The following TMEM86A variants were observed in gnomAD, a reference collection of about 807,000 sequenced individuals.
The protein encoded by TMEM86A is lysoplasmalogenase TMEM86A.
In TMEM86A, 13 loss-of-function variants were observed where a neutral mutation model predicts 19.8. That is an observed-to-expected ratio of 0.66 (90% CI 0.43 to 1.04). TMEM86A has a LOEUF of 1.04. Ranked by LOEUF, TMEM86A falls within the 50% of genes least tolerant of loss-of-function variation. The pLI is 0.00. For missense variants in TMEM86A, 248 were observed against 306.8 expected, an observed-to-expected ratio of 0.81 and a Z score of 1.43; for synonymous variants, 128 against 129.9, an observed-to-expected ratio of 0.99 and a Z score of 0.10.
rs943430015 is a variant in TMEM86A, at chr11:18,703,540, C to G, written c.*1531C>G. ...CTGGACTCTGGGCTTAGTTGAACAG[C>G]TGGGAGCAATGGGATTAGATTGGCT... On this transcript the variant is annotated 3_prime_UTR_variant, in exon 3 of 3. Coordinates refer to ENST00000280734, the MANE Select transcript of TMEM86A (RefSeq NM_153347.3). 5.9e-5 allele frequency: 9 copies of G among 152,336 alleles called. No individual in the cohort carries two copies. Among genetic ancestry groups the G allele is most frequent in the African/African-American group, 2.2e-4 (9 of 41,558 alleles). 9.4% of individuals were successfully genotyped at this position (152,336 alleles called of 1,614,324 possible). A position where few individuals can be genotyped will look rare whatever the true frequency, so the allele number is the denominator to read the frequency against.
Position 18,702,359 on chromosome 11 carries a change from T to TC in TMEM86A, c.*352dup, listed in dbSNP as rs1187135893. On this transcript the variant is annotated 3_prime_UTR_variant, in exon 3 of 3. Coordinates refer to ENST00000280734, the MANE Select transcript of TMEM86A (RefSeq NM_153347.3). ...CCCCTACCAGGTGGAAGAGTCTGAC[T>TC]CCATGTGTTATGCCTAGGACCAATG... is the stretch of plus-strand genomic sequence containing the variant. The TC allele has an allele frequency of 2.9e-6, 1 of 347,710 alleles. No homozygotes were observed. The highest frequency in any genetic ancestry group is 5.5e-6 in the Non-Finnish European group (1 of 181,878). 21.5% of individuals were successfully genotyped at this position (347,710 alleles called of 1,614,324 possible).
Position 18,698,782 on chromosome 11 carries a change from G to T in TMEM86A, c.-105G>T. On this transcript the variant is annotated 5_prime_UTR_variant, in exon 1 of 3. Transcript: ENST00000280734. ...CGGCGCCGGGCGCTCGGGAGGTATT[G>T]TCCGTCCCTCCGGGCTTTGTAGAAT... 3 of 634,124 alleles carry T rather than the reference G, an allele frequency of 4.7e-6. No individual in the cohort carries two copies. Among genetic ancestry groups the T allele is most frequent in the Non-Finnish European group, 8.5e-6 (3 of 353,580 alleles). The allele number at this position is 634,124 out of a possible 1,614,324, so 39.3% of individuals were successfully genotyped here. A position where few individuals can be genotyped will look rare whatever the true frequency, so the allele number is the denominator to read the frequency against.
Position 18,701,190 on chromosome 11 carries a change from CG to C in TMEM86A, c.280del (p.Val94CysfsTer5). 2 of 1,613,412 alleles carry C rather than the reference CG, an allele frequency of 1.2e-6. No individual in the cohort carries two copies. The highest frequency in any genetic ancestry group is 8.5e-7 in the Non-Finnish European group (1 of 1,179,830). Reference sequence around the variant, plus strand: ...TCATCTGGCAGGACCAAGGATACTTCGTGCATGGTCAGTGGCCATAGTAGTT... The same window carrying C: ...TCATCTGGCAGGACCAAGGATACTTCTGCATGGTCAGTGGCCATAGTAGTT... ...FLIWQDQGYF[V>X]HGLLMFAVTH... On this transcript the variant is annotated frameshift_variant, in exon 2 of 3. Coordinates refer to ENST00000280734, the MANE Select transcript of TMEM86A (RefSeq NM_153347.3). LOFTEE classifies it high-confidence loss of function. This position sits in a 1 kb window ranked among gnomAD's most constrained non-coding sequence, Gnocchi z 5.3.
chr11:18,704,764 A>G lies in TMEM86A; in HGVS notation c.*2755A>G, dbSNP rs975639288. ...TGTCTCATTTAAGCCTCATAGTCCT[A>G]TAAAGAAGATGAGAAAACAGGCTCA... On this transcript the variant is annotated 3_prime_UTR_variant, in exon 3 of 3. Transcript: ENST00000280734. 8.0e-6 allele frequency: 4 copies of G among 500,456 alleles called. No individual in the cohort carries two copies. The highest frequency in any genetic ancestry group is 2.3e-5 in the South Asian group (1 of 43,190). 31.0% of individuals were successfully genotyped at this position (500,456 alleles called of 1,614,324 possible). A position where few individuals can be genotyped will look rare whatever the true frequency, so the allele number is the denominator to read the frequency against.
At chr11:18,700,186 C>T (rs148736027) in intron 1 of TMEM86A, 3 of 152,472 alleles carry the variant, frequency 2.0e-5, no homozygotes, top group Non-Finnish European at 2.9e-5. Flanking sequence ...ACCTCTCCCC[C>T]CTTTCCTGCC....
rs772552715 is a variant in TMEM86A at position 18,702,310 on chromosome 11, T to C, written c.*301T>C. ...CCCCTGGAAGGTGATGGTGCTCAGC[T>C]TCTTGACACCCCCCCACCCACTTCC... On this transcript the variant is annotated 3_prime_UTR_variant, in exon 3 of 3. Transcript: ENST00000280734. The C allele has an allele frequency of 9.3e-6, 4 of 428,274 alleles. No individual in the cohort carries two copies. The highest frequency in any genetic ancestry group is 7.0e-5 in the Admixed American group (2 of 28,516). 26.5% of individuals were successfully genotyped at this position (428,274 alleles called of 1,614,324 possible). A position where few individuals can be genotyped will look rare whatever the true frequency, so the allele number is the denominator to read the frequency against.
Position 18,699,758 on chromosome 11 carries a change from C to T in TMEM86A, c.21+851C>T, listed in dbSNP as rs1848132885. The T allele has an allele frequency of 6.6e-6, 1 of 152,472 alleles. No homozygotes were observed. Among genetic ancestry groups the T allele is most frequent in the South Asian group, 2.1e-4 (1 of 4,834 alleles). The allele number at this position is 152,472 out of a possible 1,614,324, so 9.4% of individuals were successfully genotyped here. A position where few individuals can be genotyped will look rare whatever the true frequency, so the allele number is the denominator to read the frequency against. On this transcript the variant is annotated intron_variant, in intron 1 of 2. Transcript: ENST00000280734. This position sits in a 1 kb window ranked among gnomAD's most constrained non-coding sequence, Gnocchi z 4.0. ...TGGCAGAACAAGGAAAGGCTTGGAC[C>T]CTGGAACCACCCATCCGCCTCTTCC... is the stretch of plus-strand genomic sequence containing the variant.
In TMEM86A at chr11:18,701,106, C is replaced by A. The variant is rs755709483; in HGVS notation, c.195C>A (p.His65Gln). Reference sequence around the variant, plus strand: ...ATGGCCTGGGATTCCTGCTGGCCCACCCCAGCGCCACCCGCATCTTTGTGG... The same window carrying A: ...ATGGCCTGGGATTCCTGCTGGCCCAACCCAGCGCCACCCGCATCTTTGTGG... ...LAHGLGFLLA[H>Q]PSATRIFVGL... The change falls in exon 2 of 3, where the codon CAC becomes CAA. Residue 65 changes from histidine to glutamine, a missense_variant. Transcript: ENST00000280734. The surrounding 1 kb of genome is among the most constrained non-coding windows in gnomAD (Gnocchi z 5.3). The A allele has an allele frequency of 4.3e-6, 7 of 1,613,956 alleles. No homozygotes were observed. In the Admixed American group the frequency reaches 8.3e-5, roughly 19 times the overall value.
intron 1 of TMEM86A, chr11:18,700,703 AG>A: frequency 1.7e-6 from 1 of 601,298 alleles, no homozygotes; most frequent in Non-Finnish European, 2.9e-6. Flanking sequence ...AGGCTGCAGA[AG>A]GGTGCCCCTC....
In TMEM86A at chr11:18,701,183, G is replaced by A. The variant is rs1297089412; in HGVS notation, c.272G>A (p.Gly91Glu). The change falls in exon 2 of 3, where the codon GGA becomes GAA. Residue 91 changes from glycine (G) to glutamate (E), a missense_variant. Transcript: ENST00000280734. The surrounding 1 kb of genome is among the most constrained non-coding windows in gnomAD (Gnocchi z 5.3). ...GCCTTCCTCATCTGGCAGGACCAAG[G>A]ATACTTCGTGCATGGTCAGTGGCCA... ...GDAFLIWQDQ[G>E]YFVHGLLMFA... is the part of the protein sequence containing the mutation. 1 of 1,613,692 alleles carries A rather than the reference G, an allele frequency of 6.2e-7. No individual in the cohort carries two copies.
Position 18,704,500 on chromosome 11 carries a change from T to G in TMEM86A, c.*2491T>G. 1.9e-6 allele frequency: 3 copies of G among 1,550,772 alleles called. No individual in the cohort carries two copies. The highest frequency in any genetic ancestry group is 1.7e-6 in the Non-Finnish European group (2 of 1,146,610). ...AGGTGCTTTGATTTCTTCTGCAGAC[T>G]CTCGGTGATGGATGCTACAACTGAC... is the stretch of plus-strand genomic sequence containing the variant. On this transcript the variant is annotated 3_prime_UTR_variant, in exon 3 of 3. Transcript: ENST00000280734.
At position 18,704,428 on chromosome 11, in the gene TMEM86A, A is replaced by T. The variant is rs1257332670; in HGVS notation, c.*2419A>T. On this transcript the variant is annotated 3_prime_UTR_variant, in exon 3 of 3. Transcript: ENST00000280734. ...TGCAGAGGACAGGCCAAGAAACTCC[A>T]CATCATAACAGCCTCCTGATGCCTG... 1 of 1,416,106 alleles carries T rather than the reference A, an allele frequency of 7.1e-7. No homozygotes were observed. Among genetic ancestry groups the T allele is most frequent in the East Asian group, 2.5e-5 (1 of 40,262 alleles). 87.7% of individuals were successfully genotyped at this position (1,416,106 alleles called of 1,614,324 possible). A position where few individuals can be genotyped will look rare whatever the true frequency, so the allele number is the denominator to read the frequency against.
In TMEM86A at chr11:18,699,879, A is replaced by G. The variant is rs953572716; in HGVS notation, c.21+972A>G. ...CCTGTGCTGGGCAGCTCACCTAGCC[A>G]GAGACACAATCGCTTTGGGCAGAGT... On this transcript the variant is annotated intron_variant, in intron 1 of 2. Coordinates refer to ENST00000280734, the MANE Select transcript of TMEM86A (RefSeq NM_153347.3). The surrounding 1 kb of genome is among the most constrained non-coding windows in gnomAD (Gnocchi z 4.0). The G allele has an allele frequency of 6.6e-6, 1 of 152,418 alleles. No homozygotes were observed. Among genetic ancestry groups the G allele is most frequent in the Non-Finnish European group, 1.5e-5 (1 of 68,212 alleles). 9.4% of individuals were successfully genotyped at this position (152,418 alleles called of 1,614,324 possible). A position where few individuals can be genotyped will look rare whatever the true frequency, so the allele number is the denominator to read the frequency against.
intron 1 of TMEM86A, 31 bp downstream of exon 1, chr11:18,698,938 G>T: frequency 3.3e-6 from 2 of 601,794 alleles, no homozygotes; most frequent in South Asian, 1.9e-5. Flanking sequence ...GCCAGTGCCC[G>T]GCGCGGCTGG....
rs770738074 is a variant in TMEM86A, at chr11:18,701,524, A to G, written c.287-49A>G. On this transcript the variant is annotated intron_variant, in intron 2 of 2. Transcript: ENST00000280734. This position sits in a 1 kb window ranked among gnomAD's most constrained non-coding sequence, Gnocchi z 5.3. ...CATCCCTACCCCCACCCTGTTACTC[A>G]TTCTTCATCAAGCTTGCCCTCAGCT... 24 of 1,514,442 alleles carry G rather than the reference A, an allele frequency of 1.6e-5. No homozygotes were observed. The South Asian group carries it at 2.8e-4, about 17-fold the overall frequency. 93.8% of individuals were successfully genotyped at this position (1,514,442 alleles called of 1,614,324 possible).
Position 18,701,303 on chromosome 11 carries a change from G to C in TMEM86A, c.286+106G>C. The C allele has an allele frequency of 6.8e-7, 1 of 1,469,960 alleles. No homozygotes were observed. The highest frequency in any genetic ancestry group is 2.3e-5 in the East Asian group (1 of 43,954). The allele number at this position is 1,469,960 out of a possible 1,614,324, so 91.1% of individuals were successfully genotyped here. On this transcript the variant is annotated intron_variant, in intron 2 of 2. Transcript: ENST00000280734. The surrounding 1 kb of genome is among the most constrained non-coding windows in gnomAD (Gnocchi z 5.3). Reference sequence around the variant, plus strand: ...AGAGGGAGTTCTTGAACCAGAGTGTGGGGAGCCTGAGGGTTTCTGAGGCCA... The same window carrying C: ...AGAGGGAGTTCTTGAACCAGAGTGTCGGGAGCCTGAGGGTTTCTGAGGCCA...
At position 18,701,145 on chromosome 11, in the gene TMEM86A, T is replaced by C. The variant is rs780276435; in HGVS notation, c.234T>C (p.Ser78=). Residue 78 remains serine, a synonymous_variant, in exon 2 of 3, where the codon TCT becomes TCC. Coordinates refer to ENST00000280734, the MANE Select transcript of TMEM86A (RefSeq NM_153347.3). The surrounding 1 kb of genome is among the most constrained non-coding windows in gnomAD (Gnocchi z 5.3). The part of the protein sequence containing the change: ...ATRIFVGLVF[S]AVGDAFLIWQ... ...GCATCTTTGTGGGGCTTGTCTTCTC[T>C]GCTGTAGGTGACGCCTTCCTCATCT... 6.2e-6 allele frequency: 10 copies of C among 1,613,876 alleles called. No homozygotes were observed. Among genetic ancestry groups the C allele is most frequent in the Non-Finnish European group, 8.5e-6 (10 of 1,180,034 alleles).
chr11:18,701,896 T>A lies in TMEM86A; in HGVS notation c.610T>A (p.Tyr204Asn), dbSNP rs1355755148. The part of the protein sequence containing the change: ...ALNKFCFPVP[Y>N]SRALIMSTYY... ...CAACAAATTCTGTTTTCCTGTGCCC[T>A]ACTCTCGGGCGCTTATCATGTCCAC... is the stretch of plus-strand genomic sequence containing the variant. The change falls in exon 3 of 3, where the codon TAC (tyrosine) becomes AAC (asparagine). Residue 204 changes from tyrosine to asparagine, a missense_variant. Transcript: ENST00000280734. This position sits in a 1 kb window ranked among gnomAD's most constrained non-coding sequence, Gnocchi z 5.3. 6.2e-7 allele frequency: 1 copy of A among 1,614,050 alleles called. No individual in the cohort carries two copies. Among genetic ancestry groups the A allele is most frequent in the Non-Finnish European group, 8.5e-7 (1 of 1,180,050 alleles).
intron 1 of TMEM86A, 71 bp downstream of exon 1, chr11:18,698,978 C>T: frequency 4.4e-6 from 2 of 452,018 alleles, no homozygotes; most frequent in Non-Finnish European, 3.9e-6. Flanking sequence ...CGGACTTCGG[C>T]AGGCCGAGCT....
Sources: allele counts gnomAD v4.1 joint callset, GRCh38; gene constraint gnomAD v4.1.1; non-coding constraint Gnocchi (gnomAD v3.1); transcripts MANE v1.5; gene names NCBI Gene and HGNC (gene_info 2026-07-23, HGNC 2026-07-21).